Variants in GSE1 observed in about 807,000 individuals in gnomAD.
GSE1 encodes Gse1 coiled-coil protein, also known as genetic suppressor element 1.
In GSE1, 32 loss-of-function variants were observed where a neutral mutation model predicts 112.6. The observed-to-expected ratio is 0.28, with a 90% CI of 0.21 to 0.38. The LOEUF (loss-of-function observed/expected upper bound fraction) is 0.38. GSE1 is among the 10% of genes least tolerant of loss of function. The pLI, the probability that GSE1 is intolerant of heterozygous loss-of-function variation, is 1.00. For missense variants in GSE1, 2,348 were observed against 1,699.2 expected, an observed-to-expected ratio of 1.38 and a Z score of -6.71; for synonymous variants, 1,115 against 735.6, an observed-to-expected ratio of 1.52 and a Z score of -8.35.
intron 2 of GSE1, among the ~76,000 whole-genome samples, chr16:85,413,646 A>T (rs758256579): frequency 6.6e-6 from 1 of 152,154 alleles, no homozygotes; most frequent in Non-Finnish European, 1.5e-5. Context: ...AGCAGACTGT[A>T]CCTTATAAAA....
intron 1 of GSE1, among the ~76,000 whole-genome samples, chr16:85,588,722 T>C (rs940784698): frequency 1.2e-4 from 19 of 152,308 alleles, no homozygotes; most frequent in South Asian, 2.1e-4. Context: ...CGGCGAAATC[T>C]GCCGTGGCCG....
At chr16:85,396,509 G>A (rs945593065) in intron 2 of GSE1, among the ~76,000 whole-genome samples, 2 of 152,222 alleles carry the variant, frequency 1.3e-5, no homozygotes, top group African/African-American at 4.8e-5. Flanking sequence ...GATGCTCTCC[G>A]CTCCTCTGCC....
At chr16:85,553,467 G>T (rs2045037386), upstream of GSE1, among the ~76,000 whole-genome samples, 2 of 151,738 alleles carry the variant, frequency 1.3e-5, no homozygotes, top group African/African-American at 4.8e-5. Flanking sequence ...CGAGCGGCCG[G>T]TTTCCTACAG....
intron 1 of GSE1, among the ~76,000 whole-genome samples, chr16:85,339,307 C>T (rs1199827550): frequency 6.6e-6 from 1 of 152,210 alleles, no homozygotes; most frequent in Non-Finnish European, 1.5e-5. Context: ...TCCTTTTCCT[C>T]CTGTGGAAGG....
At chr16:85,400,561 G>A (rs2048080118) in intron 2 of GSE1, among the ~76,000 whole-genome samples, 1 of 151,328 alleles carries the variant, frequency 6.6e-6, no homozygotes, top group African/African-American at 2.4e-5. Context: ...TGTTGCGTGT[G>A]GTTGTGTACC....
At chr16:85,265,969 C>A (rs1908197426) in intron 1 of GSE1, among the ~76,000 whole-genome samples, 1 of 152,150 alleles carries the variant, frequency 6.6e-6, no homozygotes, top group Non-Finnish European at 1.5e-5. Context: ...TTGCTGTAGT[C>A]CCTGTAAGAG....
chr16:85,555,584 C>T (rs2045163659), upstream of GSE1: 26 of 701,042 alleles, frequency 3.7e-5, no homozygotes, highest in Non-Finnish European at 4.3e-5. Flanking sequence ...CTCCTCCTCT[C>T]CCCGCCACCC....
chr16:85,632,330 T>C (rs8061153), intron 1 of GSE1, among the ~76,000 whole-genome samples: 19,187 of 151,936 alleles, frequency 0.13, 4,037 homozygotes, highest in African/African-American at 0.43. Context: ...CCCGAACTCG[T>C]TCCCGCCTCT....
chr16:85,569,084 A>G (rs548276609), intron 1 of GSE1, among the ~76,000 whole-genome samples: 40 of 152,268 alleles, frequency 2.6e-4, no homozygotes, highest in Admixed American at 7.8e-4. Flanking sequence ...CCTTCTTGAA[A>G]TAGTAAGTTT....
At chr16:85,185,610 T>C (rs1434145667) in intron 1 of GSE1, among the ~76,000 whole-genome samples, 1 of 152,242 alleles carries the variant, frequency 6.6e-6, no homozygotes, top group Admixed American at 6.5e-5. Flanking sequence ...GTTCTGAGCA[T>C]ATTGGCCAGA....
rs201668067 is a variant in GSE1 at position 85,656,583 on chromosome 16, C to T, written c.1230C>T (p.Pro410=). ...AGGCCCTGGAGCCCAGCTTCCTGCC[C>T]GTGGCCGAGCTGCATGGGCTGCGTG... The part of the protein sequence containing the change: ...AAKALEPSFL[P]VAELHGLRGH... Residue 410 remains proline, a synonymous_variant, in exon 7 of 16, where the codon CCC becomes CCT. Coordinates refer to ENST00000253458, the MANE Select transcript of GSE1 (RefSeq NM_014615.5). 1,189 of 1,547,308 alleles carry T rather than the reference C, an allele frequency of 7.7e-4. 5 individuals are homozygous for T. The African/African-American group carries it at 0.014, about 18-fold the overall frequency.
At position 85,657,509 on chromosome 16, in the gene GSE1, G is replaced by T. The variant is rs763810047; in HGVS notation, c.1545G>T (p.Val515=). 4 of 1,605,688 alleles carry T rather than the reference G, an allele frequency of 2.5e-6. No homozygotes were observed. Among genetic ancestry groups the T allele is most frequent in the Non-Finnish European group, 1.7e-6 (2 of 1,176,668 alleles). Residue 515 remains valine, a synonymous_variant, in exon 8 of 16, where the codon GTG becomes GTT. Coordinates refer to ENST00000253458, the MANE Select transcript of GSE1 (RefSeq NM_014615.5). ...RQEKEDRQSQ[V]SEFRQQVLEQ... ...AGAAGGAGGACCGGCAGTCTCAGGT[G>T]TCCGAGTTCCGGCAGCAGGTGCTGG...
intron 2 of GSE1, among the ~76,000 whole-genome samples, chr16:85,526,629 AG>A (rs2052373175): frequency 6.7e-6 from 1 of 148,382 alleles, no homozygotes; most frequent in Admixed American, 6.7e-5. Context: ...AGGGATGGGG[AG>A]GGGTGGGACC....
At chr16:85,331,006 A>G (rs2046328785) in intron 1 of GSE1, among the ~76,000 whole-genome samples, 1 of 152,154 alleles carries the variant, frequency 6.6e-6, no homozygotes, top group African/African-American at 2.4e-5. Context: ...GTGGGGAGTT[A>G]GAGAGGTCAT....
intron 1 of GSE1, among the ~76,000 whole-genome samples, chr16:85,260,862 A>G (rs1907614182): frequency 6.6e-6 from 1 of 152,274 alleles, no homozygotes; most frequent in African/African-American, 2.4e-5. Flanking sequence ...CTGAGGGCTC[A>G]GGGAGTCCAT....
At position 85,601,631 on chromosome 16, in the gene GSE1, C is replaced by T. The variant is rs991755953; in HGVS notation, c.37+45268C>T. ...TGACTAAAAATCTCCACACCAGGAA[C>T]TTCGAGCGATGAAAACAACTTTGTC... is the stretch of plus-strand genomic sequence containing the variant. On this transcript the variant is annotated intron_variant, in intron 1 of 2. Coordinates refer to the GSE1 transcript ENST00000635906. Among the ~76,000 whole-genome samples, 18 of 152,330 alleles carry T rather than the reference C, an allele frequency of 1.2e-4. No homozygotes were observed. In the South Asian group the frequency reaches 2.3e-3, roughly 19 times the overall value.
In GSE1 at chr16:85,320,074, G is replaced by A. The variant is rs555765621; in HGVS notation, c.2284-37389G>A. Among the ~76,000 whole-genome samples, 4 of 152,332 alleles carry A rather than the reference G, an allele frequency of 2.6e-5. No homozygotes were observed. The South Asian group carries it at 8.3e-4, about 32-fold the overall frequency. ...TAATGACAGGCCCCACATTTTCACA[G>A]GAGAAATCTGTCTGGGAAACTTTAA... is the stretch of plus-strand genomic sequence containing the variant. On this transcript the variant is annotated intron_variant, in intron 1 of 2. Coordinates refer to the GSE1 transcript ENST00000637419.
In GSE1 at chr16:85,478,078, G is replaced by A. The variant is rs2050517546; in HGVS notation, c.2464+120435G>A. On this transcript the variant is annotated intron_variant, in intron 2 of 2. Coordinates refer to the GSE1 transcript ENST00000637419. ...ACATCCACTCATCCGCTTTCTGTCT[G>A]TGGATTTCCCTGTTCTGGTCATTTC... is the stretch of plus-strand genomic sequence containing the variant. Among the ~76,000 whole-genome samples, 4 of 152,168 alleles carry A rather than the reference G, an allele frequency of 2.6e-5. No individual in the cohort carries two copies. In the South Asian group the frequency reaches 8.3e-4, roughly 32 times the overall value.
intron 2 of GSE1, among the ~76,000 whole-genome samples, chr16:85,387,435 G>A (rs1236438726): frequency 6.6e-6 from 1 of 152,142 alleles, no homozygotes; most frequent in East Asian, 1.9e-4. Flanking sequence ...CAGGGCCTTT[G>A]CATCTGCTGT....
Sources: allele counts gnomAD v4.1 joint callset (sites outside exome capture counted in the v4.1 genomes callset), GRCh38; gene constraint gnomAD v4.1.1; transcripts MANE v1.5; gene names NCBI Gene and HGNC (gene_info 2026-07-23, HGNC 2026-07-21).